DCBLD2: variants seen among roughly 807,000 people sequenced by gnomAD.
DCBLD2 encodes the protein discoidin, CUB and LCCL domain-containing protein 2.
Under a neutral mutation model 86.8 loss-of-function variants are expected in DCBLD2, and 54 were observed. That is an observed-to-expected ratio of 0.62 (90% CI 0.50 to 0.78). The LOEUF is 0.78. Ranked by LOEUF, DCBLD2 falls within the 30% of genes least tolerant of loss-of-function variation. The pLI is 0.00. For synonymous variants in DCBLD2, 354 were observed against 341.3 expected (o/e 1.04, Z -0.41); for missense variants, 908 against 954.2 (o/e 0.95, Z 0.64).
rs911100868 is a variant in DCBLD2 at position 98,812,497 on chromosome 3, C to T, written c.1213-15G>A. 1.2e-5 allele frequency: 19 copies of T among 1,605,972 alleles called. No individual in the cohort carries two copies. Among genetic ancestry groups the T allele is most frequent in the Middle Eastern group, 1.7e-4 (1 of 6,056 alleles). On this transcript the variant is annotated splice_polypyrimidine_tract_variant and intron_variant, in intron 9 of 15. Coordinates refer to ENST00000326840, the MANE Select transcript of DCBLD2 (RefSeq NM_080927.4). ...CCTTGAAATATCTTTAAAAAAACAA[C>T]AAAAAATTGGTACTTCAAATCAATA...
At chr3:98,892,472 T>C (rs925034994) in intron 1 of DCBLD2, among the ~76,000 whole-genome samples, 2 of 152,052 alleles carry the variant, frequency 1.3e-5, no homozygotes, top group Admixed American at 6.6e-5. Flanking sequence ...TGAATCACAC[T>C]GGGTCAATGT....
At chr3:98,845,312 G>A (rs892475613) in intron 3 of DCBLD2, among the ~76,000 whole-genome samples, 23 of 151,940 alleles carry the variant, frequency 1.5e-4, no homozygotes, top group African/African-American at 5.1e-4. Flanking sequence ...ATACAACCCG[G>A]GCATTACTGT....
intron 1 of DCBLD2, among the ~76,000 whole-genome samples, chr3:98,899,227 T>C (rs1943803668): frequency 6.6e-6 from 1 of 151,832 alleles, no homozygotes; most frequent in African/African-American, 2.4e-5. Context: ...TGAAGTAATG[T>C]TGCTTGTCTG....
At chr3:98,898,200 T>C (rs1293952351) in intron 1 of DCBLD2, among the ~76,000 whole-genome samples, 1 of 151,930 alleles carries the variant, frequency 6.6e-6, no homozygotes, top group Admixed American at 6.6e-5. Flanking sequence ...ACATCTGTTG[T>C]GAAAAGTCGG....
Position 98,868,130 on chromosome 3 carries a change from A to G in DCBLD2, c.433+13410T>C, listed in dbSNP as rs144317289. Among the ~76,000 whole-genome samples the G allele has an allele frequency of 7.0e-3, 1,066 of 152,304 alleles. 8 individuals are homozygous for G. The highest frequency in any genetic ancestry group is 0.019 in the African/African-American group (796 of 41,556). On this transcript the variant is annotated intron_variant, in intron 2 of 15. Coordinates refer to ENST00000326840, the MANE Select transcript of DCBLD2 (RefSeq NM_080927.4). Reference sequence around the variant, plus strand: ...AAATAACATTTGAATCCAAGATTTAAATACTATCAAGCAGCCCCCTGAAGC... The same window carrying G: ...AAATAACATTTGAATCCAAGATTTAGATACTATCAAGCAGCCCCCTGAAGC...
intron 7 of DCBLD2, among the ~76,000 whole-genome samples, 198 bp from the exon 8 acceptor site, chr3:98,819,615 T>C (rs1942082927): frequency 6.6e-6 from 1 of 152,180 alleles, no homozygotes; most frequent in South Asian, 2.1e-4. Flanking sequence ...CCTACAAACA[T>C]GCTCATTTAT....
chr3:98,813,306 G>C (rs911591933), intron 9 of DCBLD2: 3 of 152,274 alleles, frequency 2.0e-5, no homozygotes, highest in Admixed American at 6.5e-5. Context: ...GCCCAGGCTA[G>C]TGTGCAGTGG....
At chr3:98,818,146 C>T (rs9873932) in intron 8 of DCBLD2, among the ~76,000 whole-genome samples, 65,889 of 151,880 alleles carry the variant, frequency 0.43, 14,458 homozygotes, top group African/African-American at 0.46. Flanking sequence ...GTGTTTATAA[C>T]GTCGTAAAAT....
At chr3:98,873,519 T>C (rs1178642806) in intron 2 of DCBLD2, among the ~76,000 whole-genome samples, 1 of 152,080 alleles carries the variant, frequency 6.6e-6, no homozygotes, top group African/African-American at 2.4e-5. Context: ...AATAAACCTG[T>C]TAAACAATTA....
chr3:98,819,617 C>T (rs1218439664), intron 7 of DCBLD2, among the ~76,000 whole-genome samples, 200 bp from the exon 8 acceptor site: 1 of 152,128 alleles, frequency 6.6e-6, no homozygotes, highest in African/African-American at 2.4e-5. Flanking sequence ...TACAAACATG[C>T]TCATTTATAA....
At chr3:98,806,939 G>A (rs1314137326) in intron 13 of DCBLD2, among the ~76,000 whole-genome samples, 1 of 151,976 alleles carries the variant, frequency 6.6e-6, no homozygotes, top group Non-Finnish European at 1.5e-5. Context: ...TGCCTGCCTG[G>A]CCTCAGTGGT....
chr3:98,901,458 CGG>C lies in DCBLD2; in HGVS notation c.-134_-133del. On this transcript the variant is annotated 5_prime_UTR_variant, in exon 1 of 16. Coordinates refer to ENST00000326840, the MANE Select transcript of DCBLD2 (RefSeq NM_080927.4). Reference sequence around the variant, plus strand: ...AGGCAGCCCTCGCCTCACCCCGCGCCGGGACCCTTCCGCCCCTCACCCCGCTT... The same window carrying C: ...AGGCAGCCCTCGCCTCACCCCGCGCCGACCCTTCCGCCCCTCACCCCGCTT... 1 of 919,482 alleles carries C rather than the reference CGG, an allele frequency of 1.1e-6. No individual in the cohort carries two copies. Among genetic ancestry groups the C allele is most frequent in the Non-Finnish European group, 1.4e-6 (1 of 704,220 alleles). 57.0% of individuals were successfully genotyped at this position (919,482 alleles called of 1,614,324 possible). A position where few individuals can be genotyped will look rare whatever the true frequency, so the allele number is the denominator to read the frequency against.
chr3:98,879,511 C>G (rs1337900620), intron 2 of DCBLD2, among the ~76,000 whole-genome samples: 1 of 152,084 alleles, frequency 6.6e-6, no homozygotes, highest in Non-Finnish European at 1.5e-5. Flanking sequence ...CTCAGCCTCC[C>G]AAGTAGCTGG....
At chr3:98,845,551 T>C (rs913431132) in intron 3 of DCBLD2, among the ~76,000 whole-genome samples, 1 of 152,210 alleles carries the variant, frequency 6.6e-6, no homozygotes, top group South Asian at 2.1e-4. Context: ...CCTCTCTACA[T>C]TTATTCTTAC....
At chr3:98,832,738 C>G (rs1011639901) in intron 3 of DCBLD2, among the ~76,000 whole-genome samples, 6 of 152,066 alleles carry the variant, frequency 3.9e-5, no homozygotes, top group Non-Finnish European at 5.9e-5. Context: ...GATTTTTTTC[C>G]TTTAAGAATG....
At chr3:98,880,683 ATATAT>A (rs1431879553) in intron 2 of DCBLD2, among the ~76,000 whole-genome samples, 1 of 152,200 alleles carries the variant, frequency 6.6e-6, no homozygotes, top group African/African-American at 2.4e-5. Context: ...TTTACTAAGC[ATATAT>A]TATATCTTAG....
chr3:98,816,022 C>T (rs1330803636), intron 9 of DCBLD2: 1 of 147,600 alleles, frequency 6.8e-6, no homozygotes, highest in African/African-American at 2.5e-5. Flanking sequence ...GATCCAAAAA[C>T]CTCAAAGAAC....
intron 9 of DCBLD2, among the ~76,000 whole-genome samples, chr3:98,816,929 G>A (rs768696354): frequency 5.3e-5 from 8 of 152,026 alleles, no homozygotes; most frequent in Admixed American, 1.3e-4. Context: ...CTACAGGCAT[G>A]CGCCACCATG....
At chr3:98,857,397 C>G (rs762522264) in intron 2 of DCBLD2, among the ~76,000 whole-genome samples, 1 of 152,226 alleles carries the variant, frequency 6.6e-6, no homozygotes, top group Non-Finnish European at 1.5e-5. Context: ...CTGGCTCCGG[C>G]AGCCTGCTTT....
Sources: allele counts gnomAD v4.1 joint callset (sites outside exome capture counted in the v4.1 genomes callset), GRCh38; gene constraint gnomAD v4.1.1; transcripts MANE v1.5; gene names NCBI Gene and HGNC (gene_info 2026-07-23, HGNC 2026-07-21).